KLF12: variants seen among roughly 807,000 people sequenced by gnomAD.
KLF12 encodes the protein Krueppel-like factor 12.
In KLF12, 9 loss-of-function variants were observed where a neutral mutation model predicts 37.8. The ratio of observed to expected loss-of-function variants is 0.24; its 90% CI spans 0.14 to 0.42. The LOEUF is 0.42. Ranked by LOEUF, KLF12 falls within the 10% of genes least tolerant of loss-of-function variation. The probability of loss-of-function intolerance (pLI) is 1.00; values close to 1 mark genes in which losing one functional copy is unlikely to be tolerated. For missense variants in KLF12, 411 were observed against 516.0 expected, an observed-to-expected ratio of 0.80 and a Z score of 1.97; for synonymous variants, 208 against 202.1, an observed-to-expected ratio of 1.03 and a Z score of -0.25.
the KLF12 span, among the ~76,000 whole-genome samples, chr13:74,269,350 A>T: frequency 6.6e-6 from 1 of 152,212 alleles, no homozygotes; most frequent in Non-Finnish European, 1.5e-5. Context: ...TGCTCATTTC[A>T]TATAGAGCAT....
intron 6 of KLF12, among the ~76,000 whole-genome samples, chr13:73,731,194 G>A (rs1003556060): frequency 7.9e-5 from 12 of 152,060 alleles, no homozygotes; most frequent in Admixed American, 5.2e-4. Flanking sequence ...AGAGAGGAGC[G>A]AATGGTGTCC....
At chr13:74,030,256 A>G (rs1324480762) in intron 1 of KLF12, among the ~76,000 whole-genome samples, 2 of 152,096 alleles carry the variant, frequency 1.3e-5, no homozygotes, top group Non-Finnish European at 2.9e-5. Context: ...CCAAAAACAG[A>G]GCCCATTGAC....
the KLF12 span, among the ~76,000 whole-genome samples, chr13:74,202,276 T>C: frequency 0.012 from 1,787 of 152,162 alleles, 42 homozygotes; most frequent in African/African-American, 0.041. Context: ...TTCCTTGGAA[T>C]TGCTCCAAAG....
intron 3 of KLF12, among the ~76,000 whole-genome samples, chr13:73,877,264 TATCA>T (rs985100467): frequency 6.6e-6 from 1 of 152,220 alleles, no homozygotes; most frequent in African/African-American, 2.4e-5. Flanking sequence ...ATAAAAATCC[TATCA>T]ATCAGACCGT....
At chr13:73,982,110 T>C (rs923463274) in intron 2 of KLF12, among the ~76,000 whole-genome samples, 9 of 152,228 alleles carry the variant, frequency 5.9e-5, no homozygotes, top group Non-Finnish European at 8.8e-5. Flanking sequence ...TTAATTCTTT[T>C]AATTGGTTAA....
At chr13:74,111,758 C>A (rs924938120) in intron 1 of KLF12, among the ~76,000 whole-genome samples, 6 of 152,024 alleles carry the variant, frequency 3.9e-5, no homozygotes, top group Non-Finnish European at 8.8e-5. Context: ...AGTTACTAAA[C>A]CAGAAATGTA....
upstream of KLF12, among the ~76,000 whole-genome samples, chr13:74,135,708 G>A (rs866842728): frequency 3.9e-5 from 6 of 152,172 alleles, no homozygotes; most frequent in East Asian, 7.8e-4. Context: ...CCGCGCCCCC[G>A]GCCCGGCCCG....
chr13:74,093,808 T>C lies in KLF12; in HGVS notation c.-32+39931A>G, dbSNP rs181100867. On this transcript the variant is annotated intron_variant, in intron 1 of 7. Transcript: ENST00000377669. ...TCTAGGTAAGTAAAATAAACAAAAA[T>C]ATAAACTAATGTAAATGAGCATTAC... Among the ~76,000 whole-genome samples, 42 of 151,990 alleles carry C rather than the reference T, an allele frequency of 2.8e-4. 1 individual carries two copies. The highest frequency in any genetic ancestry group is 1.0e-3 in the African/African-American group (42 of 41,510).
At chr13:74,027,992 T>G (rs867761639) in intron 1 of KLF12, among the ~76,000 whole-genome samples, 3 of 152,048 alleles carry the variant, frequency 2.0e-5, no homozygotes, top group Non-Finnish European at 4.4e-5. Flanking sequence ...AAGAAAAAAA[T>G]GAGATATCAC....
chr13:74,113,813 A>T (rs1213549036), intron 1 of KLF12, among the ~76,000 whole-genome samples: 1 of 152,190 alleles, frequency 6.6e-6, no homozygotes, highest in African/African-American at 2.4e-5. Flanking sequence ...GGCTCCTCTG[A>T]TGGATCTGGG....
intron 2 of KLF12, among the ~76,000 whole-genome samples, chr13:73,958,687 G>A (rs1890925264): frequency 6.6e-6 from 1 of 152,044 alleles, no homozygotes; most frequent in Non-Finnish European, 1.5e-5. Context: ...TCATGTCAGT[G>A]GCTCTCACAC....
intron 3 of KLF12, among the ~76,000 whole-genome samples, chr13:73,915,405 T>G (rs1888772085): frequency 6.6e-6 from 1 of 152,112 alleles, no homozygotes; most frequent in African/African-American, 2.4e-5. Context: ...TCCGTAGAAG[T>G]GTTGCCTTTC....
chr13:74,075,691 G>T (rs1308957623), intron 1 of KLF12, among the ~76,000 whole-genome samples: 1 of 152,052 alleles, frequency 6.6e-6, no homozygotes, highest in African/African-American at 2.4e-5. Context: ...CCACAATATA[G>T]GAAACTCATA....
chr13:74,124,847 G>A (rs1381633760), intron 1 of KLF12, among the ~76,000 whole-genome samples: 1 of 152,142 alleles, frequency 6.6e-6, no homozygotes, highest in Non-Finnish European at 1.5e-5. Flanking sequence ...TAGCAGGTTT[G>A]CTTTTTCTAT....
chr13:73,974,795 CA>C (rs1239510813), intron 2 of KLF12, among the ~76,000 whole-genome samples: 1 of 152,130 alleles, frequency 6.6e-6, no homozygotes, highest in Non-Finnish European at 1.5e-5. Flanking sequence ...ACCTAGTTGA[CA>C]AATAACTGCA....
chr13:74,180,341 C>T, the KLF12 span, among the ~76,000 whole-genome samples: 2 of 152,328 alleles, frequency 1.3e-5, no homozygotes, highest in East Asian at 3.9e-4. Context: ...GATTGTGTTA[C>T]TAATTCTCCT....
rs184763633 is a variant in KLF12, at chr13:73,868,541, A to C, written c.124-22168T>G. Among the ~76,000 whole-genome samples the C allele has an allele frequency of 6.9e-3, 1,040 of 151,784 alleles. 12 individuals carry two copies. The highest frequency in any genetic ancestry group is 0.024 in the African/African-American group (992 of 41,412). ...GAGTAGCTGGGACTACAGGTGCACA[A>C]CAACATGCCCAGCTAATTTTTGTAT... is the stretch of plus-strand genomic sequence containing the variant. On this transcript the variant is annotated intron_variant, in intron 3 of 7. Transcript: ENST00000377669.
intron 3 of KLF12, among the ~76,000 whole-genome samples, chr13:73,868,915 A>C (rs1297825019): frequency 6.6e-6 from 1 of 152,196 alleles, no homozygotes; most frequent in East Asian, 1.9e-4. Context: ...TAAATTTACA[A>C]ATTGGCAAAA....
chr13:73,751,375 C>T (rs2137971948), intron 6 of KLF12, among the ~76,000 whole-genome samples: 1 of 152,224 alleles, frequency 6.6e-6, no homozygotes, highest in East Asian at 1.9e-4. Flanking sequence ...TATAGGTGTT[C>T]CTTTTTCTCT....
Sources: allele counts gnomAD v4.1 joint callset (sites outside exome capture counted in the v4.1 genomes callset), GRCh38; gene constraint gnomAD v4.1.1; transcripts MANE v1.5; gene names NCBI Gene and HGNC (gene_info 2026-07-23, HGNC 2026-07-21).